ROR1: variants seen among roughly 807,000 people sequenced by gnomAD.
ROR1 encodes the protein ROR family WNT receptor 1.
Under a neutral mutation model 78.8 loss-of-function variants are expected in ROR1, and 19 were observed. The observed-to-expected ratio is 0.24, with a 90% CI of 0.17 to 0.35. The LOEUF is 0.35. Ranked by LOEUF, ROR1 falls within the 10% of genes least tolerant of loss-of-function variation. ROR1 has a pLI of 1.00. For synonymous variants in ROR1, 386 were observed against 433.6 expected, an observed-to-expected ratio of 0.89 and a Z score of 1.36; for missense variants, 917 against 1,177.8, an observed-to-expected ratio of 0.78 and a Z score of 3.24.
intron 4 of ROR1, among the ~76,000 whole-genome samples, chr1:64,116,328 T>G (rs926709774): frequency 6.6e-6 from 1 of 152,176 alleles, no homozygotes; most frequent in African/African-American, 2.4e-5. Flanking sequence ...TGTCACAATA[T>G]TTTTAACATT....
intron 1 of ROR1, among the ~76,000 whole-genome samples, chr1:63,910,829 G>A (rs1466002558): frequency 3.3e-5 from 5 of 152,204 alleles, no homozygotes; most frequent in African/African-American, 1.2e-4. Flanking sequence ...AGAACAACAA[G>A]GACGTGCATC....
chr1:64,067,845 T>A (rs1200819584), intron 4 of ROR1, among the ~76,000 whole-genome samples: 1 of 151,888 alleles, frequency 6.6e-6, no homozygotes, highest in Admixed American at 6.6e-5. Context: ...CCTGAGTAGC[T>A]GGGACTACAG....
intron 1 of ROR1, among the ~76,000 whole-genome samples, chr1:63,875,571 T>A (rs772642983): frequency 9.9e-5 from 15 of 152,188 alleles, no homozygotes; most frequent in Non-Finnish European, 2.1e-4. Flanking sequence ...TGGTATGCCA[T>A]GTTTATAATC....
At chr1:64,002,019 G>A (rs1408824469) in intron 1 of ROR1, among the ~76,000 whole-genome samples, 1 of 151,706 alleles carries the variant, frequency 6.6e-6, no homozygotes, top group Non-Finnish European at 1.5e-5. Context: ...GGCTGTTTTT[G>A]TCAGGTCTTA....
intron 1 of ROR1, among the ~76,000 whole-genome samples, chr1:63,812,585 C>T (rs1034341312): frequency 6.6e-6 from 1 of 152,172 alleles, no homozygotes; most frequent in Non-Finnish European, 1.5e-5. Flanking sequence ...TGTAATTTGA[C>T]AGCAGACTTT....
chr1:64,099,748 T>G (rs1647445679), intron 4 of ROR1, among the ~76,000 whole-genome samples: 1 of 152,112 alleles, frequency 6.6e-6, no homozygotes, highest in African/African-American at 2.4e-5. Flanking sequence ...AGTTTGTGGG[T>G]TTATTGTTGA....
intron 1 of ROR1, among the ~76,000 whole-genome samples, chr1:63,896,150 A>G (rs1285159547): frequency 2.0e-5 from 3 of 150,814 alleles, no homozygotes; most frequent in East Asian, 1.9e-4. Context: ...ATTAGATTTC[A>G]TATCATATCA....
At chr1:64,134,727 TCTCAAGGAG>T (rs1460841585) in intron 4 of ROR1, among the ~76,000 whole-genome samples, 1 of 151,408 alleles carries the variant, frequency 6.6e-6, no homozygotes, top group Non-Finnish European at 1.5e-5. Context: ...TCCTAAAGCT[TCTCAAGGAG>T]ATTCTTTCAT....
chr1:64,037,117 A>G (rs1254306955), intron 2 of ROR1, among the ~76,000 whole-genome samples: 1 of 152,170 alleles, frequency 6.6e-6, no homozygotes. Flanking sequence ...AGTCTCTCAC[A>G]CAGTGTCACT....
chr1:63,937,177 A>G (rs1354160009), intron 1 of ROR1, among the ~76,000 whole-genome samples: 2 of 152,144 alleles, frequency 1.3e-5, no homozygotes, highest in Non-Finnish European at 2.9e-5. Flanking sequence ...TGTCTCATTC[A>G]TCTTTCTATC....
At chr1:64,123,310 A>G (rs957169811) in intron 4 of ROR1, among the ~76,000 whole-genome samples, 3 of 152,212 alleles carry the variant, frequency 2.0e-5, no homozygotes, top group Non-Finnish European at 4.4e-5. Context: ...GTCTTGTTAT[A>G]CTATTGTAAG....
intron 4 of ROR1, among the ~76,000 whole-genome samples, chr1:64,069,551 T>C (rs1044946464): frequency 1.3e-5 from 2 of 149,878 alleles, no homozygotes; most frequent in Non-Finnish European, 3.0e-5. Context: ...CACGTGTTCA[T>C]GTGTGTGATT....
chr1:63,803,838 A>G (rs1416030142), intron 1 of ROR1, among the ~76,000 whole-genome samples: 2 of 152,194 alleles, frequency 1.3e-5, no homozygotes, highest in Non-Finnish European at 2.9e-5. Context: ...AAACTGTGCT[A>G]CATCCATACC....
chr1:63,984,556 G>T (rs1646235819), intron 1 of ROR1, among the ~76,000 whole-genome samples: 1 of 152,170 alleles, frequency 6.6e-6, no homozygotes, highest in Non-Finnish European at 1.5e-5. Flanking sequence ...GGCTGTGCAA[G>T]CTAGCTGCTA....
At chr1:64,095,975 TA>T (rs922557278) in intron 4 of ROR1, among the ~76,000 whole-genome samples, 1 of 152,160 alleles carries the variant, frequency 6.6e-6, no homozygotes, top group Non-Finnish European at 1.5e-5. Flanking sequence ...ATAAACCTCT[TA>T]ATACTATTCT....
intron 1 of ROR1, among the ~76,000 whole-genome samples, chr1:63,967,067 A>G (rs752274016): frequency 1.1e-4 from 17 of 152,172 alleles, no homozygotes; most frequent in South Asian, 2.1e-4. Context: ...TCTTAAGGGG[A>G]CTTGATATGA....
chr1:64,138,419 A>G lies in ROR1; in HGVS notation c.610+923A>G, dbSNP rs535739383. Among the ~76,000 whole-genome samples the G allele has an allele frequency of 2.6e-5, 4 of 152,304 alleles. No individual in the cohort carries two copies. The South Asian group carries it at 8.3e-4, about 32-fold the overall frequency. On this transcript the variant is annotated intron_variant, in intron 5 of 8. Coordinates refer to ENST00000371079, the MANE Select transcript of ROR1 (RefSeq NM_005012.4). The stretch of plus-strand genomic sequence containing the variant: ...TCTTTATCTGGCAACCCTAGGGTCT[A>G]GGAGAGGTAAGAACAAACCCAAGGC...
chr1:64,075,838 A>G (rs1004082099), intron 4 of ROR1, among the ~76,000 whole-genome samples: 1 of 152,222 alleles, frequency 6.6e-6, no homozygotes, highest in Non-Finnish European at 1.5e-5. Context: ...AGTTCAAATT[A>G]TGGTTCTGCC....
chr1:63,910,500 T>C (rs1425483309), intron 1 of ROR1, among the ~76,000 whole-genome samples: 1 of 152,164 alleles, frequency 6.6e-6, no homozygotes, highest in East Asian at 1.9e-4. Flanking sequence ...AGTGGACCTA[T>C]GGACTGTGAA....
Sources: gnomAD v4.1 joint callset for allele counts (sites outside exome capture counted in the v4.1 genomes callset) on GRCh38, gnomAD v4.1.1 for gene constraint, MANE v1.5 for transcripts, NCBI Gene and HGNC (gene_info 2026-07-23, HGNC 2026-07-21) for gene names.